TEX48: variants seen among roughly 807,000 people sequenced by gnomAD.
TEX48 encodes the protein testis expressed 48.
TEX48 carries 10 observed loss-of-function variants against 13.2 expected under a neutral mutation model. That is an observed-to-expected ratio of 0.75 (90% confidence interval 0.47 to 1.28). TEX48 has a LOEUF of 1.28. Among genes scored for constraint, TEX48 ranks in the 50% most tolerant of loss-of-function variants. The pLI is 0.00. For missense variants in TEX48, 116 were observed against 139.4 expected (o/e 0.83, Z 0.84); for synonymous variants, 45 against 52.3 (o/e 0.86, Z 0.60).
chr9:114,674,604 TCCTTCCTTCC>T (rs1564317091), intron 1 of TEX48, among the ~76,000 whole-genome samples: 16 of 18,730 alleles, frequency 8.5e-4, no homozygotes, highest in African/African-American at 2.0e-3. Flanking sequence ...TCTTTTTCTT[TCCTTCCTTCC>T]TTCCTTCCTT....
chr9:114,680,121 CTTTTT>C (rs1222465975), intron 1 of TEX48, among the ~76,000 whole-genome samples: 1 of 44,594 alleles, frequency 2.2e-5, no homozygotes, highest in African/African-American at 9.9e-5. Flanking sequence ...GTCATTGTCC[CTTTTT>C]TTTTTTTTTT....
At chr9:114,673,956 C>G (rs1260907524) in intron 1 of TEX48, among the ~76,000 whole-genome samples, 1 of 151,654 alleles carries the variant, frequency 6.6e-6, no homozygotes, top group African/African-American at 2.4e-5. Context: ...CAGGTGTGCA[C>G]CACCACACCT....
intron 3 of TEX48, among the ~76,000 whole-genome samples, chr9:114,669,283 A>G (rs766309582): frequency 6.6e-6 from 1 of 151,916 alleles, no homozygotes; most frequent in Non-Finnish European, 1.5e-5. Flanking sequence ...TTATTTATTT[A>G]TTTATTTATT....
chr9:114,673,964 C>A (rs57814945), intron 1 of TEX48, among the ~76,000 whole-genome samples: 8,267 of 151,918 alleles, frequency 0.054, 448 homozygotes, highest in East Asian at 0.21. Context: ...CACCACCACA[C>A]CTGGCTAACT....
intron 1 of TEX48, among the ~76,000 whole-genome samples, chr9:114,674,666 C>CTTCCTTCCTTCCTTCCTTCCTTCT (rs1441517111): frequency 8.1e-5 from 3 of 37,034 alleles, no homozygotes; most frequent in Admixed American, 7.0e-4. Context: ...TCCTTCCTTC[C>CTTCCTTCCTTCCTTCCTTCCTTCT]TTCTTTCCTT....
chr9:114,675,809 C>T (rs1828050627), intron 1 of TEX48, among the ~76,000 whole-genome samples: 2 of 152,238 alleles, frequency 1.3e-5, no homozygotes, highest in South Asian at 4.1e-4. Context: ...CGCCCTACAG[C>T]CATAAGAGAT....
chr9:114,666,567 G>T lies in TEX48; in HGVS notation c.*76C>A. On this transcript the variant is annotated 3_prime_UTR_variant, in exon 5 of 5. Transcript: ENST00000436752. ...CTCCTTCAGGGGAGTTTCCGAATTA[G>T]TCTTCATGACTCCTGTCCACCGCCC... The T allele has an allele frequency of 2.5e-6, 2 of 805,980 alleles. No homozygotes were observed. The highest frequency in any genetic ancestry group is 3.5e-5 in the South Asian group (2 of 57,042). The allele number at this position is 805,980 out of a possible 1,614,324, so 49.9% of individuals were successfully genotyped here.
At chr9:114,674,458 T>C (rs773426249) in intron 1 of TEX48, among the ~76,000 whole-genome samples, 39 of 117,616 alleles carry the variant, frequency 3.3e-4, no homozygotes, top group Non-Finnish European at 6.4e-4. Flanking sequence ...TATTTAACAT[T>C]ATAACCCCCT....
At chr9:114,668,160 G>A (rs1170211702) in intron 4 of TEX48, 46 bp downstream of exon 4, 4 of 1,533,636 alleles carry the variant, frequency 2.6e-6, no homozygotes, top group African/African-American at 1.4e-5. Flanking sequence ...CAGGCTCCCT[G>A]TCTGGGAGTT....
At chr9:114,673,383 A>G (rs1827983051) in intron 1 of TEX48, among the ~76,000 whole-genome samples, 1 of 151,044 alleles carries the variant, frequency 6.6e-6, no homozygotes, top group African/African-American at 2.4e-5. Context: ...AGGCAGGAGA[A>G]TCGCTTGAAC....
intron 1 of TEX48, among the ~76,000 whole-genome samples, chr9:114,674,383 TAAC>T (rs1220304944): frequency 6.6e-6 from 1 of 152,178 alleles, no homozygotes; most frequent in African/African-American, 2.4e-5. Context: ...TTCTCTTAGA[TAAC>T]AACATTCTGT....
At chr9:114,668,873 G>A (rs182708331) in intron 3 of TEX48, among the ~76,000 whole-genome samples, 11 of 152,220 alleles carry the variant, frequency 7.2e-5, no homozygotes, top group Admixed American at 6.5e-4. Flanking sequence ...GATCTGCTCT[G>A]TTGCCCAGGC....
chr9:114,667,497 G>A (rs1354827773), intron 4 of TEX48, among the ~76,000 whole-genome samples: 1 of 152,200 alleles, frequency 6.6e-6, no homozygotes, highest in Non-Finnish European at 1.5e-5. Flanking sequence ...GCACCTGGCT[G>A]GATCTGGGGG....
intron 1 of TEX48, among the ~76,000 whole-genome samples, chr9:114,681,265 T>G (rs1828195064): frequency 6.6e-6 from 1 of 152,190 alleles, no homozygotes; most frequent in Non-Finnish European, 1.5e-5. Flanking sequence ...TCTCCACATC[T>G]TTACTAGAAA....
intron 1 of TEX48, among the ~76,000 whole-genome samples, chr9:114,676,820 G>A (rs1828081514): frequency 6.6e-6 from 1 of 151,970 alleles, no homozygotes; most frequent in Admixed American, 6.5e-5. Context: ...GTTTCACTGT[G>A]TTAGCCAGGA....
intron 1 of TEX48, among the ~76,000 whole-genome samples, chr9:114,680,787 T>G (rs11793258): frequency 0.17 from 25,325 of 152,190 alleles, 2,149 homozygotes; most frequent in Non-Finnish European, 0.18. Flanking sequence ...AGAACCTGTG[T>G]GACACTCATT....
At chr9:114,675,428 A>T (rs946532068) in intron 1 of TEX48, among the ~76,000 whole-genome samples, 2 of 152,074 alleles carry the variant, frequency 1.3e-5, no homozygotes, top group Non-Finnish European at 2.9e-5. Flanking sequence ...TCGTGGGATG[A>T]TCCTATTATT....
At position 114,671,483 on chromosome 9, in the gene TEX48, C is replaced by A; in HGVS notation, c.27G>T (p.Leu9Phe). The change falls in exon 3 of 5, where the codon TTG (leucine) becomes TTT (phenylalanine). Residue 9 changes from leucine (L) to phenylalanine (F), a missense_variant. By Grantham distance (22) the Leu-to-Phe change is conservative (BLOSUM62 0). Transcript: ENST00000436752. The stretch of plus-strand genomic sequence containing the variant: ...CCCTGCAGCATAAACAGAAGATCTT[C>A]AAGATCAGGTTTTGGTGGGCTGCTG... Reference protein sequence around the residue: MAAHQNLILKIFCLCCRDC... With the variant: MAAHQNLIFKIFCLCCRDC... 1 of 1,535,194 alleles carries A rather than the reference C, an allele frequency of 6.5e-7. No homozygotes were observed. The highest frequency in any genetic ancestry group is 1.2e-5 in the South Asian group (1 of 83,980).
At chr9:114,669,854 G>A (rs1258384988) in intron 3 of TEX48, among the ~76,000 whole-genome samples, 1 of 152,178 alleles carries the variant, frequency 6.6e-6, no homozygotes, top group African/African-American at 2.4e-5. Flanking sequence ...GATTATAGGT[G>A]TGAGCCACTG....
Sources: gnomAD v4.1 joint callset for allele counts (sites outside exome capture counted in the v4.1 genomes callset) on GRCh38, gnomAD v4.1.1 for gene constraint, MANE v1.5 for transcripts, NCBI Gene and HGNC (gene_info 2026-07-23, HGNC 2026-07-21) for gene names.